FOXN3: variants seen among roughly 807,000 people sequenced by gnomAD.
The protein encoded by FOXN3 is forkhead box N3.
FOXN3 carries 7 observed loss-of-function variants against 38.4 expected under a neutral mutation model. That is an observed-to-expected ratio of 0.18 (90% CI 0.10 to 0.34). The LOEUF is 0.34. FOXN3 is among the 10% of genes least tolerant of loss of function. The pLI is 1.00. For synonymous variants in FOXN3, 230 were observed against 242.2 expected (o/e 0.95, Z 0.47); for missense variants, 456 against 613.4 (o/e 0.74, Z 2.71).
At chr14:89,460,955 G>C (rs1333559767) in intron 1 of FOXN3, among the ~76,000 whole-genome samples, 1 of 150,662 alleles carries the variant, frequency 6.6e-6, no homozygotes, top group Non-Finnish European at 1.5e-5. Context: ...TTGAACCCAG[G>C]AGGAGGAGGT....
intron 1 of FOXN3, among the ~76,000 whole-genome samples, chr14:89,571,875 G>A (rs1895504597): frequency 6.6e-6 from 1 of 152,210 alleles, no homozygotes; most frequent in South Asian, 2.1e-4. Flanking sequence ...TGGTATTACT[G>A]AGTAGCATGG....
At position 89,349,060 on chromosome 14, in the gene FOXN3, T is replaced by C. The variant is rs568937092; in HGVS notation, c.680+1612A>G. On this transcript the variant is annotated intron_variant, in intron 3 of 5. Coordinates refer to ENST00000557258, the MANE Select transcript of FOXN3 (RefSeq NM_005197.4). ...GGAAAACCCAGAGAAGGGTATTCCA[T>C]GCAGCTTGGAGAGTCGGGGGGTGGG... Among the ~76,000 whole-genome samples, 3 of 152,114 alleles carry C rather than the reference T, an allele frequency of 2.0e-5. No individual in the cohort carries two copies. In the East Asian group the frequency reaches 5.8e-4, roughly 30 times the overall value.
intron 3 of FOXN3, among the ~76,000 whole-genome samples, chr14:89,293,977 A>G (rs1034875617): frequency 6.6e-6 from 1 of 152,114 alleles, no homozygotes; most frequent in Non-Finnish European, 1.5e-5. Flanking sequence ...AAAACAACGG[A>G]CCCAGCCTTT....
chr14:89,456,829 A>T (rs1384527698), intron 1 of FOXN3, among the ~76,000 whole-genome samples: 3 of 152,186 alleles, frequency 2.0e-5, no homozygotes, highest in East Asian at 3.9e-4. Flanking sequence ...CCAGTCAGAG[A>T]TGGGTTAATT....
At position 89,386,995 on chromosome 14, in the gene FOXN3, G is replaced by A. The variant is rs887661917; in HGVS notation, c.543+24939C>T. 6.6e-5 allele frequency among the ~76,000 whole-genome samples: 10 copies of A among 152,166 alleles called. No individual in the cohort carries two copies. The South Asian group carries it at 1.2e-3, about 19-fold the overall frequency. ...GGGGGTGCCAGGCATGGTGGCTCAC[G>A]CCTGTAATCCCAGCACTTTGGGAGG... is the stretch of plus-strand genomic sequence containing the variant. On this transcript the variant is annotated intron_variant, in intron 2 of 5. Coordinates refer to ENST00000557258, the MANE Select transcript of FOXN3 (RefSeq NM_005197.4).
rs189593420 is a variant in FOXN3, at chr14:89,298,110, A to C, written c.681-17096T>G. Among the ~76,000 whole-genome samples, 86 of 152,364 alleles carry C rather than the reference A, an allele frequency of 5.6e-4. 1 individual carries two copies. The highest frequency in any genetic ancestry group is 2.0e-3 in the African/African-American group (82 of 41,592). ...AACAAGAGAATAATATTCAGCCTTT[A>C]AAAGGAAGGAAACCCTCACATACGT... On this transcript the variant is annotated intron_variant, in intron 3 of 5. Coordinates refer to ENST00000557258, the MANE Select transcript of FOXN3 (RefSeq NM_005197.4).
At chr14:89,502,474 G>A (rs895958364) in intron 1 of FOXN3, among the ~76,000 whole-genome samples, 2 of 152,204 alleles carry the variant, frequency 1.3e-5, no homozygotes, top group African/African-American at 4.8e-5. Context: ...ATAAAAAATT[G>A]ACAACATTTG....
chr14:89,510,039 T>A (rs563348364), intron 1 of FOXN3, among the ~76,000 whole-genome samples: 24 of 152,024 alleles, frequency 1.6e-4, no homozygotes, highest in Non-Finnish European at 2.9e-4. Context: ...TTCCTCCCCA[T>A]AGAACCCACA....
chr14:89,363,966 ATAT>A (rs1890021197), intron 2 of FOXN3, among the ~76,000 whole-genome samples: 1 of 46,198 alleles, frequency 2.2e-5, no homozygotes, highest in African/African-American at 9.7e-5. Flanking sequence ...ATATATATAT[ATAT>A]ATATATATAT....
chr14:89,369,243 CATT>C (rs1890242952), intron 2 of FOXN3, among the ~76,000 whole-genome samples: 1 of 152,176 alleles, frequency 6.6e-6, no homozygotes, highest in African/African-American at 2.4e-5. Context: ...TTAACTCACT[CATT>C]ATACTGCTGA....
chr14:89,300,946 G>T (rs768310272), intron 3 of FOXN3, among the ~76,000 whole-genome samples: 16 of 151,914 alleles, frequency 1.1e-4, no homozygotes, highest in Non-Finnish European at 1.9e-4. Context: ...ATAGGTGCCT[G>T]TCCCCATGCC....
At chr14:89,421,342 T>G (rs1336151141), upstream of FOXN3, among the ~76,000 whole-genome samples, 1 of 151,044 alleles carries the variant, frequency 6.6e-6, no homozygotes, top group Admixed American at 6.6e-5. Context: ...GAGACGGGGT[T>G]TCTCCATGTT....
chr14:89,242,807 A>C (rs1305582897), intron 4 of FOXN3, among the ~76,000 whole-genome samples: 1 of 152,206 alleles, frequency 6.6e-6, no homozygotes, highest in African/African-American at 2.4e-5. Context: ...TTTCCTATCA[A>C]GGCTATGCAG....
chr14:89,200,156 G>A (rs1450749808), intron 4 of FOXN3, among the ~76,000 whole-genome samples: 1 of 152,158 alleles, frequency 6.6e-6, no homozygotes, highest in African/African-American at 2.4e-5. Flanking sequence ...CTGGGTATGA[G>A]GCTCCCATTC....
rs190756240 is a variant in FOXN3, at chr14:89,599,306, T to A, written c.-15+19722A>T. On this transcript the variant is annotated intron_variant, in intron 1 of 6. Transcript: ENST00000345097. ...AGTCATTAATTCATTTATGCAACCA[T>A]AACCATCACCACAATCCAATCTTAC... 7.9e-5 allele frequency among the ~76,000 whole-genome samples: 12 copies of A among 152,332 alleles called. 1 individual carries two copies. In the East Asian group the frequency reaches 1.7e-3, roughly 22 times the overall value.
intron 1 of FOXN3, among the ~76,000 whole-genome samples, chr14:89,493,029 T>C (rs1384105993): frequency 6.6e-6 from 1 of 152,212 alleles, no homozygotes; most frequent in Admixed American, 6.5e-5. Context: ...CAGTACATAC[T>C]GTAGATAGTT....
At chr14:89,421,938 G>A (rs539627926), upstream of FOXN3, among the ~76,000 whole-genome samples, 3 of 152,216 alleles carry the variant, frequency 2.0e-5, no homozygotes, top group Admixed American at 6.5e-5. Flanking sequence ...GGAGCACAGT[G>A]GTGCAATCGT....
At chr14:89,577,131 C>T (rs1203997830) in intron 1 of FOXN3, 1 of 152,244 alleles carries the variant, frequency 6.6e-6, no homozygotes, top group Non-Finnish European at 1.5e-5. Flanking sequence ...CCACGTGTAG[C>T]CACAGCAGAG....
chr14:89,422,900 C>T (rs182615945), intron 1 of FOXN3, among the ~76,000 whole-genome samples: 1 of 152,246 alleles, frequency 6.6e-6, no homozygotes, highest in African/African-American at 2.4e-5. Flanking sequence ...CAGGTGCCCT[C>T]GCCAAACCTG....
Sources: allele counts gnomAD v4.1 joint callset (sites outside exome capture counted in the v4.1 genomes callset), GRCh38; gene constraint gnomAD v4.1.1; transcripts MANE v1.5; gene names NCBI Gene and HGNC (gene_info 2026-07-23, HGNC 2026-07-21).